The following PNPLA7 variants were observed in gnomAD, a reference collection of about 807,000 sequenced individuals.
PNPLA7 encodes the protein patatin like domain 7, lysophospholipase.
Under a neutral mutation model 161.7 loss-of-function variants are expected in PNPLA7, and 153 were observed. That is an observed-to-expected ratio of 0.95 (90% CI 0.83 to 1.08). PNPLA7 has a LOEUF of 1.08. PNPLA7 is among the 50% of genes least tolerant of loss of function. The probability of loss-of-function intolerance (pLI) is 0.00; values close to 1 mark genes in which losing one functional copy is unlikely to be tolerated. For missense variants in PNPLA7, 1,739 were observed against 1,856.6 expected (o/e 0.94, Z 1.16); for synonymous variants, 809 against 782.1 (o/e 1.03, Z -0.57).
In PNPLA7 at chr9:137,511,671, C is replaced by T. The variant is rs912331536; in HGVS notation, c.1225+3708G>A. Among the ~76,000 whole-genome samples, 7 of 152,328 alleles carry T rather than the reference C, an allele frequency of 4.6e-5. No homozygotes were observed. The East Asian group carries it at 5.8e-4, about 13-fold the overall frequency. ...GGGCCTGACATTCCCCAGGCCTGCCCGCAGTCATTGGAGGCTTCAACGTCT... is the reference window on the plus strand; with the variant it reads ...GGGCCTGACATTCCCCAGGCCTGCCTGCAGTCATTGGAGGCTTCAACGTCT... On this transcript the variant is annotated intron_variant, in intron 12 of 34. Coordinates refer to ENST00000406427, the MANE Select transcript of PNPLA7 (RefSeq NM_001098537.3).
chr9:137,515,244 C>A, intron 12 of PNPLA7, 135 bp downstream of exon 12: 1 of 1,193,814 alleles, frequency 8.4e-7, no homozygotes, highest in Non-Finnish European at 1.1e-6. Context: ...GGCACAGGCC[C>A]CCCTGGGCAC....
chr9:137,497,079 G>C (rs1440388841), intron 18 of PNPLA7, 108 bp downstream of exon 18: 1 of 1,296,108 alleles, frequency 7.7e-7, no homozygotes, highest in Admixed American at 3.9e-5. Flanking sequence ...ATCCACTCCT[G>C]GGGCTTTTGC....
chr9:137,462,466 C>G, intron 30 of PNPLA7, 135 bp from the exon 31 acceptor site: 1 of 1,434,762 alleles, frequency 7.0e-7, no homozygotes. Flanking sequence ...TAGCAGCACC[C>G]GGCCGGGGGT....
At chr9:137,472,776 G>A (rs1034238655) in intron 25 of PNPLA7, among the ~76,000 whole-genome samples, 8 of 151,738 alleles carry the variant, frequency 5.3e-5, no homozygotes, top group South Asian at 4.2e-4. Flanking sequence ...CCAACATGGT[G>A]AAACCCGGTC....
At chr9:137,532,213 G>GATCA (rs1245371570) in intron 8 of PNPLA7, among the ~76,000 whole-genome samples, 2 of 152,264 alleles carry the variant, frequency 1.3e-5, no homozygotes, top group Non-Finnish European at 2.9e-5. Context: ...CAGGAGGGCA[G>GATCA]ATCGCTTGAG....
rs766422284 is a variant in PNPLA7, at chr9:137,464,200, G to A, written c.3157-5C>T. The stretch of plus-strand genomic sequence containing the variant: ...GAAATAAGGAATCCACAGGTCCTGC[G>A]GGCGGACGGGGCTCAGATGGGCCCT... On this transcript the variant is annotated splice_region_variant and splice_polypyrimidine_tract_variant and intron_variant, in intron 27 of 34. Transcript: ENST00000406427. 1.5e-5 allele frequency: 24 copies of A among 1,613,744 alleles called. No individual in the cohort carries two copies. The highest frequency in any genetic ancestry group is 8.8e-5 in the South Asian group (8 of 91,036).
Position 137,467,115 on chromosome 9 carries a change from G to A in PNPLA7, c.3039+202C>T, listed in dbSNP as rs141611196. On this transcript the variant is annotated intron_variant, in intron 26 of 34. Coordinates refer to ENST00000406427, the MANE Select transcript of PNPLA7 (RefSeq NM_001098537.3). The surrounding 1 kb of genome is among the most constrained non-coding windows in gnomAD (Gnocchi z 5.1). ...CTCAGACCTGGGCACAGATCAGACCGCCTCCCACCACCAACCTGCATCTGT... is the reference window on the plus strand; with the variant it reads ...CTCAGACCTGGGCACAGATCAGACCACCTCCCACCACCAACCTGCATCTGT... 7.9e-5 allele frequency among the ~76,000 whole-genome samples: 12 copies of A among 151,608 alleles called. No individual in the cohort carries two copies. Among genetic ancestry groups the A allele is most frequent in the African/African-American group, 2.4e-4 (10 of 41,284 alleles).
intron 25 of PNPLA7, among the ~76,000 whole-genome samples, chr9:137,474,182 T>C (rs1318122009): frequency 6.6e-6 from 1 of 152,158 alleles, no homozygotes; most frequent in African/African-American, 2.4e-5. Flanking sequence ...GAGGTTGCAG[T>C]GAGCTGAGAT....
chr9:137,507,244 G>T lies in PNPLA7; in HGVS notation c.1226-1161C>A, dbSNP rs983359479. Reference sequence around the variant, plus strand: ...AATCCGAACTGGAAAGCAATCTATGGCAACAAAGGTCACCAGTGCTTCCTC... The same window carrying T: ...AATCCGAACTGGAAAGCAATCTATGTCAACAAAGGTCACCAGTGCTTCCTC... On this transcript the variant is annotated intron_variant, in intron 12 of 34. Transcript: ENST00000406427. Among the ~76,000 whole-genome samples, 6 of 152,360 alleles carry T rather than the reference G, an allele frequency of 3.9e-5. No individual in the cohort carries two copies. In the East Asian group the frequency reaches 1.2e-3, roughly 29 times the overall value.
chr9:137,484,738 T>C lies in PNPLA7; in HGVS notation c.2198-2A>G, dbSNP rs1832383014. The C allele has an allele frequency of 1.2e-6, 2 of 1,605,090 alleles. No homozygotes were observed. Among genetic ancestry groups the C allele is most frequent in the Admixed American group, 1.7e-5 (1 of 59,314 alleles). On this transcript the variant is annotated splice_acceptor_variant, in intron 20 of 34. Transcript: ENST00000406427. LOFTEE classifies it high-confidence loss of function. ...CCGTGGGGAGCCCAAGCTGGTGGCC[T>C]GTGGAGCAAAGGACCCACGTCAGCT...
In PNPLA7 at chr9:137,520,907, C is replaced by A. The variant is rs11137416; in HGVS notation, c.957+729G>T. On this transcript the variant is annotated intron_variant, in intron 10 of 34. Coordinates refer to ENST00000406427, the MANE Select transcript of PNPLA7 (RefSeq NM_001098537.3). This position sits in a 1 kb window ranked among gnomAD's most constrained non-coding sequence, Gnocchi z 5.2. Reference sequence around the variant, plus strand: ...ACACAGGGAGTGCTGGCAACAGGGACCCCATGGGACGGGCATGGGGAGGGG... The same window carrying A: ...ACACAGGGAGTGCTGGCAACAGGGAACCCATGGGACGGGCATGGGGAGGGG... Among the ~76,000 whole-genome samples, 4,586 of 152,290 alleles carry A rather than the reference C, an allele frequency of 0.03. 226 individuals carry two copies. The highest frequency in any genetic ancestry group is 0.1 in the African/African-American group (4,313 of 41,538).
At chr9:137,498,821 G>A (rs1444359538) in intron 16 of PNPLA7, among the ~76,000 whole-genome samples, 2 of 152,182 alleles carry the variant, frequency 1.3e-5, no homozygotes, top group South Asian at 2.1e-4. Flanking sequence ...GAGGTGGGAC[G>A]TGGGGCAACC....
At chr9:137,469,685 A>G (rs1674769464) in intron 25 of PNPLA7, among the ~76,000 whole-genome samples, 1 of 152,248 alleles carries the variant, frequency 6.6e-6, no homozygotes, top group African/African-American at 2.4e-5. Flanking sequence ...AATTAAGCAA[A>G]TAACAAAGAT....
rs116616076 is a variant in PNPLA7, at chr9:137,475,237, C to A, written c.2882+2797G>T. Among the ~76,000 whole-genome samples, 1,108 of 151,886 alleles carry A rather than the reference C, an allele frequency of 7.3e-3. 17 individuals are homozygous for A. Among genetic ancestry groups the A allele is most frequent in the African/African-American group, 0.025 (1,048 of 41,404 alleles). On this transcript the variant is annotated intron_variant, in intron 25 of 34. Coordinates refer to ENST00000406427, the MANE Select transcript of PNPLA7 (RefSeq NM_001098537.3). ...CAAGAGTGCAGAGTCTCAGGCCAGGCACAGTGGCTCACGCCTGTAATCCCA... is the reference window on the plus strand; with the variant it reads ...CAAGAGTGCAGAGTCTCAGGCCAGGAACAGTGGCTCACGCCTGTAATCCCA...
chr9:137,475,010 C>CAAAAAAAAAAAAAAAAAAAAAAAAA (rs58417100), intron 25 of PNPLA7, among the ~76,000 whole-genome samples: 5 of 63,610 alleles, frequency 7.9e-5, no homozygotes, highest in African/African-American at 2.7e-4. Context: ...GACTCTGCCT[C>CAAAAAAAAAAAAAAAAAAAAAAAAA]AAAAAAAAAA....
chr9:137,533,473 C>T (rs1444888231), intron 8 of PNPLA7, among the ~76,000 whole-genome samples: 1 of 147,096 alleles, frequency 6.8e-6, no homozygotes, highest in Non-Finnish European at 1.5e-5. Flanking sequence ...TTCTCCACAA[C>T]AGTGTACACT....
chr9:137,510,036 G>A (rs1242271492), intron 12 of PNPLA7, among the ~76,000 whole-genome samples: 2 of 152,196 alleles, frequency 1.3e-5, no homozygotes, highest in East Asian at 1.9e-4. Flanking sequence ...ACAAGAGTGC[G>A]AGCCTTCTGT....
In PNPLA7 at chr9:137,543,432, C is replaced by G. The variant is rs751316497; in HGVS notation, c.506G>C (p.Arg169Pro). 1.2e-6 allele frequency: 2 copies of G among 1,613,918 alleles called. No individual in the cohort carries two copies. The highest frequency in any genetic ancestry group is 1.3e-5 in the African/African-American group (1 of 74,932). Reference sequence around the variant, plus strand: ...CCCCGGGGCTCATCCCCGCTCTTACCGAACGTTTTTCAGCATGTACAGAAC... The same window carrying G: ...CCCCGGGGCTCATCCCCGCTCTTACGGAACGTTTTTCAGCATGTACAGAAC... Reference protein sequence around the residue: ...SEVLYMLKNVRVLGHFEKPLF... With the variant: ...SEVLYMLKNVPVLGHFEKPLF... Residue 169 changes from arginine (R) to proline (P), a missense_variant and splice_region_variant, in exon 6 of 35, where the codon CGG (arginine) becomes CCG (proline). Around this residue, in one of 6 missense-constraint regions of PNPLA7, gnomAD observed 209 missense variants for 252.8 expected, o/e 0.83. Transcript: ENST00000406427. The surrounding 1 kb of genome is among the most constrained non-coding windows in gnomAD (Gnocchi z 6.9).
chr9:137,530,455 C>T (rs1479108979), intron 8 of PNPLA7, among the ~76,000 whole-genome samples: 2 of 152,228 alleles, frequency 1.3e-5, no homozygotes, highest in East Asian at 1.9e-4. Context: ...CCCATCAGGG[C>T]TTTTGCTCCA....
Sources: allele counts gnomAD v4.1 joint callset (sites outside exome capture counted in the v4.1 genomes callset), GRCh38; gene constraint gnomAD v4.1.1; regional missense constraint gnomAD v4.1.1; non-coding constraint Gnocchi (gnomAD v3.1); transcripts MANE v1.5; gene names NCBI Gene and HGNC (gene_info 2026-07-23, HGNC 2026-07-21).